RNF217: variants seen among roughly 807,000 people sequenced by gnomAD.
RNF217 encodes the protein ring finger protein 217.
RNF217 carries 31 observed loss-of-function variants against 57.8 expected under a neutral mutation model. The observed-to-expected ratio is 0.54, with a 90% confidence interval of 0.40 to 0.72. The LOEUF is 0.72. RNF217 is among the 30% of genes least tolerant of loss of function. RNF217 has a pLI of 0.00. For missense variants in RNF217, 696 were observed against 708.3 expected, an observed-to-expected ratio of 0.98 and a Z score of 0.20; for synonymous variants, 313 against 294.0, an observed-to-expected ratio of 1.06 and a Z score of -0.66.
At chr6:124,981,182 A>C (rs1365084527) in intron 1 of RNF217, among the ~76,000 whole-genome samples, 1 of 152,222 alleles carries the variant, frequency 6.6e-6, no homozygotes, top group Non-Finnish European at 1.5e-5. Flanking sequence ...AAAAAATTTG[A>C]TTTTATATTT....
chr6:125,042,577 A>G (rs912119441), intron 1 of RNF217, among the ~76,000 whole-genome samples: 1 of 152,106 alleles, frequency 6.6e-6, no homozygotes, highest in Admixed American at 6.6e-5. Context: ...AGGAAGTAAT[A>G]TATTCTTCGG....
At chr6:124,972,493 A>T (rs191211123) in intron 1 of RNF217, among the ~76,000 whole-genome samples, 1 of 152,242 alleles carries the variant, frequency 6.6e-6, no homozygotes, top group East Asian at 1.9e-4. Context: ...TTGCTAATAG[A>T]TTAGAATTTA....
chr6:125,075,442 T>C (rs1243351817), intron 3 of RNF217, among the ~76,000 whole-genome samples: 3 of 152,248 alleles, frequency 2.0e-5, no homozygotes. Context: ...CTTACAATCA[T>C]GGCAGAAGGC....
At position 125,087,185 on chromosome 6, in the gene RNF217, T is replaced by C. The variant is rs892630413; in HGVS notation, c.*4248T>C. The C allele has an allele frequency of 4.6e-5, 7 of 152,158 alleles. No homozygotes were observed. Among genetic ancestry groups the C allele is most frequent in the African/African-American group, 9.7e-5 (4 of 41,450 alleles). The allele number at this position is 152,158 out of a possible 1,614,324, so 9.4% of individuals were successfully genotyped here. Reference sequence around the variant, plus strand: ...CCAGCTTCTCCCTTGTTAAATGAAATTGTTTTTAACATTACACTTTTATAC... The same window carrying C: ...CCAGCTTCTCCCTTGTTAAATGAAACTGTTTTTAACATTACACTTTTATAC... On this transcript the variant is annotated 3_prime_UTR_variant, in exon 6 of 6. Transcript: ENST00000521654.
intron 3 of RNF217, among the ~76,000 whole-genome samples, chr6:125,060,580 G>A (rs2114594947): frequency 6.6e-6 from 1 of 152,064 alleles, no homozygotes; most frequent in African/African-American, 2.4e-5. Flanking sequence ...AAGTAGCTGG[G>A]ATTACAGGCA....
chr6:125,031,363 G>A (rs1441185389), intron 1 of RNF217, among the ~76,000 whole-genome samples: 3 of 152,178 alleles, frequency 2.0e-5, no homozygotes, highest in Non-Finnish European at 4.4e-5. Flanking sequence ...TAGAAAATGG[G>A]TTTTTCTTTT....
chr6:125,053,611 C>T (rs770951296), intron 2 of RNF217, among the ~76,000 whole-genome samples: 5 of 151,748 alleles, frequency 3.3e-5, no homozygotes, highest in African/African-American at 4.9e-5. Flanking sequence ...TAGTTTTAGA[C>T]ACTGTTTTTA....
chr6:125,018,919 C>T (rs560531839), intron 1 of RNF217, among the ~76,000 whole-genome samples: 3 of 152,204 alleles, frequency 2.0e-5, no homozygotes, highest in African/African-American at 4.8e-5. Flanking sequence ...TAAGTCTCCC[C>T]GGACTCCATT....
At chr6:125,082,413 C>T (rs1370925936) in intron 5 of RNF217, 10 of 1,543,516 alleles carry the variant, frequency 6.5e-6, no homozygotes, top group Admixed American at 3.9e-5. Context: ...TGAGTTAGGA[C>T]ATTATGTAAT....
chr6:125,061,896 A>G (rs1230658832), intron 3 of RNF217, among the ~76,000 whole-genome samples: 1 of 151,870 alleles, frequency 6.6e-6, no homozygotes, highest in Non-Finnish European at 1.5e-5. Context: ...TCCAACCATA[A>G]TTTATTTTAG....
At chr6:125,069,330 T>C (rs2114621183) in intron 3 of RNF217, among the ~76,000 whole-genome samples, 1 of 152,298 alleles carries the variant, frequency 6.6e-6, no homozygotes, top group South Asian at 2.1e-4. Context: ...CTGTTTCTTA[T>C]TCATTTGGAG....
At chr6:125,063,406 A>G (rs1441310582) in intron 3 of RNF217, among the ~76,000 whole-genome samples, 1 of 152,204 alleles carries the variant, frequency 6.6e-6, no homozygotes, top group African/African-American at 2.4e-5. Context: ...TTTAAAAGAA[A>G]GATCAAATGT....
At chr6:125,055,542 C>G (rs140168996) in intron 2 of RNF217, among the ~76,000 whole-genome samples, 2 of 152,086 alleles carry the variant, frequency 1.3e-5, no homozygotes, top group South Asian at 4.1e-4. Context: ...AGAGCGAATC[C>G]GAGTTTCAAA....
intron 4 of RNF217, among the ~76,000 whole-genome samples, chr6:125,078,836 C>T (rs1204189266): frequency 6.6e-6 from 1 of 152,174 alleles, no homozygotes; most frequent in African/African-American, 2.4e-5. Context: ...ACAGCTGCCT[C>T]TTAACTGCTG....
chr6:125,029,565 G>T (rs1786258646), intron 1 of RNF217, among the ~76,000 whole-genome samples: 1 of 152,268 alleles, frequency 6.6e-6, no homozygotes, highest in South Asian at 2.1e-4. Context: ...TTCTGTTAAA[G>T]AACTATGTTA....
intron 1 of RNF217, among the ~76,000 whole-genome samples, chr6:125,030,134 T>TATCA (rs1163116130): frequency 6.6e-6 from 1 of 152,134 alleles, no homozygotes; most frequent in Non-Finnish European, 1.5e-5. Flanking sequence ...ACTTATTCAC[T>TATCA]ATCACAAGAA....
chr6:125,005,779 T>A (rs527786692), intron 1 of RNF217, among the ~76,000 whole-genome samples: 1 of 152,214 alleles, frequency 6.6e-6, no homozygotes, highest in African/African-American at 2.4e-5. Flanking sequence ...CTTTCAAATA[T>A]AGACTTGTTT....
intron 1 of RNF217, among the ~76,000 whole-genome samples, chr6:125,022,554 G>T (rs1025888558): frequency 1.3e-5 from 2 of 152,152 alleles, no homozygotes; most frequent in Non-Finnish European, 2.9e-5. Flanking sequence ...CCAGCCAGGG[G>T]TGTGGTTGTT....
Position 125,086,773 on chromosome 6 carries a change from A to G in RNF217, c.*3836A>G, listed in dbSNP as rs374613765. 6.6e-6 allele frequency: 1 copy of G among 152,084 alleles called. No individual in the cohort carries two copies. 9.4% of individuals were successfully genotyped at this position (152,084 alleles called of 1,614,324 possible). On this transcript the variant is annotated 3_prime_UTR_variant, in exon 6 of 6. Transcript: ENST00000521654. ...AAACAAAGATAATTAAACACAAGTCAGGTTACAACATGATATCTTTAATTG... is the reference window on the plus strand; with the variant it reads ...AAACAAAGATAATTAAACACAAGTCGGGTTACAACATGATATCTTTAATTG...
Sources: allele counts gnomAD v4.1 joint callset (sites outside exome capture counted in the v4.1 genomes callset), GRCh38; gene constraint gnomAD v4.1.1; transcripts MANE v1.5; gene names NCBI Gene and HGNC (gene_info 2026-07-23, HGNC 2026-07-21).